The following TRPM3 variants were observed in gnomAD, a reference collection of about 807,000 sequenced individuals.
The protein encoded by TRPM3 is long transient receptor potential channel 3.
TRPM3 carries 77 observed loss-of-function variants against 181.2 expected under a neutral mutation model. That is an observed-to-expected ratio of 0.42 (90% CI 0.35 to 0.51). The LOEUF (loss-of-function observed/expected upper bound fraction) is 0.51. Ranked by LOEUF, TRPM3 falls within the 20% of genes least tolerant of loss-of-function variation. The pLI is 0.01. For missense variants in TRPM3, 1,759 were observed against 2,196.7 expected, an observed-to-expected ratio of 0.80 and a Z score of 3.98; for synonymous variants, 745 against 796.4, an observed-to-expected ratio of 0.94 and a Z score of 1.09.
upstream of TRPM3, among the ~76,000 whole-genome samples, chr9:71,122,836 T>A (rs976489236): frequency 2.6e-5 from 4 of 152,238 alleles, no homozygotes; most frequent in African/African-American, 9.6e-5. Flanking sequence ...GTAAAATTTA[T>A]GTCTCTGATT....
At chr9:70,759,135 GA>G (rs1334263020) in intron 8 of TRPM3, among the ~76,000 whole-genome samples, 1 of 151,956 alleles carries the variant, frequency 6.6e-6, no homozygotes, top group Non-Finnish European at 1.5e-5. Flanking sequence ...ACGTTTACAA[GA>G]AAAAAACAAA....
chr9:71,170,295 C>T (rs1037432813), intron 1 of TRPM3, among the ~76,000 whole-genome samples: 3 of 152,048 alleles, frequency 2.0e-5, no homozygotes, highest in Admixed American at 2.0e-4. Flanking sequence ...GAATAAGATG[C>T]TTATGAAACA....
chr9:71,435,590 A>G (rs2131632480), intron 1 of TRPM3, among the ~76,000 whole-genome samples: 1 of 152,346 alleles, frequency 6.6e-6, no homozygotes, highest in East Asian at 1.9e-4. Context: ...AGTATTTATC[A>G]TGGATTTAAA....
At chr9:71,444,476 T>C (rs936383132) in intron 1 of TRPM3, among the ~76,000 whole-genome samples, 1 of 152,174 alleles carries the variant, frequency 6.6e-6, no homozygotes, top group Admixed American at 6.5e-5. Context: ...CCACAATATT[T>C]TGGGGACAAC....
chr9:71,199,401 G>C (rs2078625248), intron 1 of TRPM3, among the ~76,000 whole-genome samples: 1 of 152,166 alleles, frequency 6.6e-6, no homozygotes, highest in African/African-American at 2.4e-5. Context: ...ATGAGTTAGG[G>C]AGGATTTCCT....
intron 9 of TRPM3, among the ~76,000 whole-genome samples, chr9:70,667,994 T>C (rs1375565659): frequency 1.3e-5 from 2 of 152,228 alleles, no homozygotes; most frequent in Non-Finnish European, 2.9e-5. Context: ...AAACTGGTCA[T>C]GCTTGTTTGG....
chr9:71,296,763 G>A (rs1180455903), intron 1 of TRPM3, among the ~76,000 whole-genome samples: 1 of 152,050 alleles, frequency 6.6e-6, no homozygotes, highest in Non-Finnish European at 1.5e-5. Flanking sequence ...CAGACTAGAC[G>A]GCGGGGGTTC....
At chr9:71,397,993 C>G (rs190266227) in intron 1 of TRPM3, among the ~76,000 whole-genome samples, 8 of 152,262 alleles carry the variant, frequency 5.3e-5, no homozygotes, top group Admixed American at 1.3e-4. Context: ...CAACTTTAAC[C>G]AGTTTATCCA....
At chr9:70,755,207 C>T (rs574119315) in intron 8 of TRPM3, among the ~76,000 whole-genome samples, 1 of 152,120 alleles carries the variant, frequency 6.6e-6, no homozygotes, top group South Asian at 2.1e-4. Context: ...AACCACAAGA[C>T]ACATAATTGT....
chr9:70,936,828 G>T (rs1213032310), intron 1 of TRPM3, among the ~76,000 whole-genome samples: 2 of 152,090 alleles, frequency 1.3e-5, no homozygotes, highest in Admixed American at 6.5e-5. Flanking sequence ...TTGATTCCAG[G>T]CTTGGGCATT....
At chr9:70,619,376 C>A (rs1482284336) in intron 16 of TRPM3, among the ~76,000 whole-genome samples, 1 of 143,260 alleles carries the variant, frequency 7.0e-6, no homozygotes, top group Non-Finnish European at 1.5e-5. Flanking sequence ...AGCAAGCAAT[C>A]AATAGAGTAC....
intron 1 of TRPM3, among the ~76,000 whole-genome samples, chr9:71,192,737 T>C (rs2078109448): frequency 6.6e-6 from 1 of 151,942 alleles, no homozygotes; most frequent in Non-Finnish European, 1.5e-5. Flanking sequence ...TTTCTTTTGC[T>C]ATGCATAAAC....
At chr9:70,997,918 C>G (rs1301026002) in intron 1 of TRPM3, among the ~76,000 whole-genome samples, 2 of 151,936 alleles carry the variant, frequency 1.3e-5, no homozygotes, top group African/African-American at 4.8e-5. Flanking sequence ...TATTCACTTA[C>G]ATAGCATCCA....
intron 1 of TRPM3, among the ~76,000 whole-genome samples, chr9:70,978,365 A>G (rs1244325826): frequency 1.3e-5 from 2 of 152,232 alleles, no homozygotes; most frequent in Non-Finnish European, 2.9e-5. Context: ...GTTAAGTGTA[A>G]GAAAAACCAG....
intron 7 of TRPM3, among the ~76,000 whole-genome samples, chr9:70,778,143 G>C (rs922747065): frequency 6.6e-6 from 1 of 152,062 alleles, no homozygotes; most frequent in African/African-American, 2.4e-5. Flanking sequence ...CAGTCATCCA[G>C]GCTGACCCTC....
chr9:71,287,076 A>G (rs2085360477), intron 1 of TRPM3, among the ~76,000 whole-genome samples: 1 of 143,402 alleles, frequency 7.0e-6, no homozygotes, highest in African/African-American at 2.6e-5. Context: ...TATATATTAT[A>G]TATAAATTAT....
At chr9:71,180,206 C>T (rs187941149) in intron 1 of TRPM3, among the ~76,000 whole-genome samples, 5 of 152,106 alleles carry the variant, frequency 3.3e-5, no homozygotes, top group African/African-American at 9.6e-5. Flanking sequence ...AGATGTGCAT[C>T]AGCACACCCA....
intron 1 of TRPM3, among the ~76,000 whole-genome samples, chr9:71,182,175 T>C (rs1336074008): frequency 3.9e-5 from 6 of 152,122 alleles, no homozygotes; most frequent in Non-Finnish European, 8.8e-5. Flanking sequence ...TTCTCAAACA[T>C]GTATTTGGCA....
At position 71,396,503 on chromosome 9, in the gene TRPM3, A is replaced by G. The variant is rs1003812003; in HGVS notation, c.183+50150T>C. Among the ~76,000 whole-genome samples, 3 of 152,214 alleles carry G rather than the reference A, an allele frequency of 2.0e-5. 1 individual carries two copies. The South Asian group carries it at 6.2e-4, about 32-fold the overall frequency. Reference sequence around the variant, plus strand: ...GATGGGTTCATTACCATGGAAAAGAATATTTTAAAATCAGGAGGCCACATC... The same window carrying G: ...GATGGGTTCATTACCATGGAAAAGAGTATTTTAAAATCAGGAGGCCACATC... On this transcript the variant is annotated intron_variant, in intron 1 of 24. Transcript: ENST00000357533.
Sources: gnomAD v4.1 joint callset for allele counts (sites outside exome capture counted in the v4.1 genomes callset) on GRCh38, gnomAD v4.1.1 for gene constraint, MANE v1.5 for transcripts, NCBI Gene and HGNC (gene_info 2026-07-23, HGNC 2026-07-21) for gene names.